The following CCSER1 variants were observed in gnomAD, a reference collection of about 807,000 sequenced individuals.
The protein encoded by CCSER1 is serine-rich coiled-coil domain-containing protein 1.
A neutral mutation model predicts 82.0 loss-of-function variants in CCSER1; 41 were observed. The observed-to-expected ratio is 0.50, with a 90% CI of 0.39 to 0.65. The LOEUF is 0.65. CCSER1 is among the 30% of genes least tolerant of loss of function. The pLI is 0.00. For synonymous variants in CCSER1, 414 were observed against 383.9 expected, an observed-to-expected ratio of 1.08 and a Z score of -0.92; for missense variants, 1,119 against 1,064.2, an observed-to-expected ratio of 1.05 and a Z score of -0.72.
At chr4:90,578,294 A>G (rs1487251569) in intron 5 of CCSER1, among the ~76,000 whole-genome samples, 2 of 152,182 alleles carry the variant, frequency 1.3e-5, no homozygotes, top group Admixed American at 6.5e-5. Context: ...GCCAAAATCA[A>G]GAAGTCAGCA....
intron 3 of CCSER1, among the ~76,000 whole-genome samples, chr4:90,368,565 G>C (rs6849224): frequency 0.35 from 53,720 of 151,566 alleles, 10,099 homozygotes; most frequent in South Asian, 0.45. Flanking sequence ...CCAGGAGTTT[G>C]AGGCTGAAGT....
chr4:90,366,998 G>A (rs543471998), intron 3 of CCSER1, among the ~76,000 whole-genome samples: 5 of 151,790 alleles, frequency 3.3e-5, no homozygotes, highest in Non-Finnish European at 2.9e-5. Flanking sequence ...GCATATAGGG[G>A]TAGATAAGCA....
intron 10 of CCSER1, among the ~76,000 whole-genome samples, chr4:91,584,363 T>G (rs939631901): frequency 6.6e-6 from 1 of 151,568 alleles, no homozygotes; most frequent in Admixed American, 6.6e-5. Context: ...CTCATTTGGA[T>G]GGATACAGGA....
At chr4:91,551,824 AT>A (rs1762174407) in intron 10 of CCSER1, among the ~76,000 whole-genome samples, 1 of 151,582 alleles carries the variant, frequency 6.6e-6, no homozygotes, top group African/African-American at 2.4e-5. Flanking sequence ...ACTTTTTTGC[AT>A]GTTTTATTGA....
At chr4:91,079,486 T>A (rs967565623) in intron 9 of CCSER1, among the ~76,000 whole-genome samples, 1 of 151,996 alleles carries the variant, frequency 6.6e-6, no homozygotes, top group Non-Finnish European at 1.5e-5. Context: ...AATAAGGCCA[T>A]CAATACTAGG....
chr4:90,398,543 T>G (rs1325570877), intron 3 of CCSER1, among the ~76,000 whole-genome samples: 2 of 152,158 alleles, frequency 1.3e-5, no homozygotes, highest in African/African-American at 4.8e-5. Flanking sequence ...AAGCTTTTCC[T>G]TTTCCACAAC....
At chr4:91,132,289 G>A (rs893671989) in intron 10 of CCSER1, among the ~76,000 whole-genome samples, 1 of 152,116 alleles carries the variant, frequency 6.6e-6, no homozygotes, top group Non-Finnish European at 1.5e-5. Flanking sequence ...ATTTAGGAAA[G>A]CAATAAAAAC....
chr4:90,194,137 T>A (rs1736163612), intron 1 of CCSER1, among the ~76,000 whole-genome samples: 1 of 152,042 alleles, frequency 6.6e-6, no homozygotes, highest in African/African-American at 2.4e-5. Flanking sequence ...GGCAGTGATA[T>A]TATGGTTAGA....
chr4:91,304,035 T>G (rs1744867343), intron 10 of CCSER1, among the ~76,000 whole-genome samples: 1 of 152,022 alleles, frequency 6.6e-6, no homozygotes, highest in African/African-American at 2.4e-5. Flanking sequence ...TTATAAATAT[T>G]GTGGTAGCAC....
In CCSER1 at chr4:90,215,656, G is replaced by A. The variant is rs557500802; in HGVS notation, c.-42+87825G>A. Among the ~76,000 whole-genome samples the A allele has an allele frequency of 1.6e-4, 25 of 152,306 alleles. No homozygotes were observed. In the South Asian group the frequency reaches 3.5e-3, roughly 21 times the overall value. On this transcript the variant is annotated intron_variant, in intron 1 of 10. Coordinates refer to ENST00000509176, the MANE Select transcript of CCSER1 (RefSeq NM_001145065.2). ...ATACACAGGGCACTAGTGATCAAAT[G>A]TGGGTCAAAGTATCTGCTTTAATAA... is the stretch of plus-strand genomic sequence containing the variant.
chr4:90,487,639 G>GTGTT (rs1388217490), intron 5 of CCSER1, among the ~76,000 whole-genome samples: 1 of 152,084 alleles, frequency 6.6e-6, no homozygotes, highest in African/African-American at 2.4e-5. Flanking sequence ...ATTTAATCTA[G>GTGTT]TGTTTCTTTG....
In CCSER1 at chr4:91,078,633, C is replaced by T. The variant is rs186495893; in HGVS notation, c.2173-7317C>T. On this transcript the variant is annotated intron_variant, in intron 9 of 10. Transcript: ENST00000509176. ...GAAGACTGGTAATAACAAACTTCTC[C>T]GAGCTAAAGGAGGATGTACGAACCC... 2.5e-4 allele frequency among the ~76,000 whole-genome samples: 38 copies of T among 152,224 alleles called. 1 individual carries two copies. The highest frequency in any genetic ancestry group is 9.7e-4 in the East Asian group (5 of 5,164).
intron 7 of CCSER1, among the ~76,000 whole-genome samples, chr4:90,804,299 T>G (rs12512710): frequency 0.02 from 3,045 of 152,038 alleles, 83 homozygotes; most frequent in African/African-American, 0.063. Flanking sequence ...TGCCTATGTC[T>G]TGAATGGTAT....
intron 10 of CCSER1, among the ~76,000 whole-genome samples, chr4:91,210,120 C>A (rs1188884654): frequency 6.6e-6 from 1 of 151,672 alleles, no homozygotes; most frequent in African/African-American, 2.4e-5. Context: ...ATCAGATGAC[C>A]TAAAAACCTG....
At chr4:90,437,820 A>T (rs1162481953) in intron 4 of CCSER1, among the ~76,000 whole-genome samples, 1 of 152,174 alleles carries the variant, frequency 6.6e-6, no homozygotes, top group African/African-American at 2.4e-5. Flanking sequence ...AATTATATTA[A>T]TAATATTAGT....
At position 91,166,788 on chromosome 4, in the gene CCSER1, CAATT is replaced by C. The variant is rs573710305; in HGVS notation, c.2217+80798_2217+80801del. On this transcript the variant is annotated intron_variant, in intron 10 of 10. Transcript: ENST00000509176. ...GAACTTTGAAAGATTTACGTGTAAA[CAATT>C]AATGCTTTCATTTATTTGCTTTAAT... Among the ~76,000 whole-genome samples, 5 of 152,216 alleles carry C rather than the reference CAATT, an allele frequency of 3.3e-5. No homozygotes were observed. The South Asian group carries it at 1.0e-3, about 32-fold the overall frequency.
chr4:91,499,984 A>G (rs1759119700), intron 10 of CCSER1, among the ~76,000 whole-genome samples: 1 of 152,056 alleles, frequency 6.6e-6, no homozygotes, highest in Admixed American at 6.6e-5. Context: ...AATTTGGTAA[A>G]AATCAATAAG....
chr4:91,310,800 G>A (rs867938153), intron 10 of CCSER1, among the ~76,000 whole-genome samples: 3 of 151,806 alleles, frequency 2.0e-5, no homozygotes, highest in Non-Finnish European at 4.4e-5. Context: ...CTTTGAATGT[G>A]GCCCAATACA....
intron 10 of CCSER1, among the ~76,000 whole-genome samples, chr4:91,281,673 G>A (rs1437122716): frequency 1.3e-5 from 2 of 152,136 alleles, no homozygotes; most frequent in African/African-American, 2.4e-5. Flanking sequence ...AGCTATTCTG[G>A]ACTTACTTAA....
Sources: gnomAD v4.1 joint callset for allele counts (sites outside exome capture counted in the v4.1 genomes callset) on GRCh38, gnomAD v4.1.1 for gene constraint, MANE v1.5 for transcripts, NCBI Gene and HGNC (gene_info 2026-07-23, HGNC 2026-07-21) for gene names.